COG5: variants seen among roughly 807,000 people sequenced by gnomAD.
COG5 encodes conserved oligomeric Golgi complex subunit 5.
In COG5, 86 loss-of-function variants were observed where a neutral mutation model predicts 110.4. That is an observed-to-expected ratio of 0.78 (90% CI 0.65 to 0.93). The LOEUF (loss-of-function observed/expected upper bound fraction) is 0.93, where lower values mean the gene tolerates loss of function less well. Among genes scored for constraint, COG5 ranks in the 40% least tolerant of loss-of-function variants. COG5 has a pLI of 0.00. For synonymous variants in COG5, 360 were observed against 334.6 expected, an observed-to-expected ratio of 1.08 and a Z score of -0.83; for missense variants, 1,077 against 987.0, an observed-to-expected ratio of 1.09 and a Z score of -1.22.
At chr7:107,319,326 C>G (rs1809041259) in intron 11 of COG5, among the ~76,000 whole-genome samples, 1 of 152,194 alleles carries the variant, frequency 6.6e-6, no homozygotes, top group Non-Finnish European at 1.5e-5. Flanking sequence ...GTTATGGTCT[C>G]ATTTTCCTGC....
intron 6 of COG5, among the ~76,000 whole-genome samples, chr7:107,424,877 TC>T (rs1410187001): frequency 1.2e-4 from 18 of 152,162 alleles, no homozygotes; most frequent in Non-Finnish European, 4.4e-5. Flanking sequence ...TCTGCTTCAC[TC>T]AGGTCCAAGC....
chr7:107,512,212 A>G (rs1362988941), intron 6 of COG5, among the ~76,000 whole-genome samples: 3 of 152,212 alleles, frequency 2.0e-5, no homozygotes, highest in Non-Finnish European at 4.4e-5. Flanking sequence ...AGGATACAAA[A>G]TCAATGTGCA....
chr7:107,279,269 A>G (rs944419648), intron 14 of COG5, among the ~76,000 whole-genome samples: 12 of 152,224 alleles, frequency 7.9e-5, no homozygotes, highest in African/African-American at 2.9e-4. Flanking sequence ...AATGGCGATC[A>G]TTAAAAAGTC....
In COG5 at chr7:107,516,762, G is replaced by A. The variant is rs375631204; in HGVS notation, c.538+10475C>T. ...CCCAGCAAACTGCAGCAGACCTGCAGAAGAGGGGTCCGTTGGAAGAAAAAC... is the reference window on the plus strand; with the variant it reads ...CCCAGCAAACTGCAGCAGACCTGCAAAAGAGGGGTCCGTTGGAAGAAAAAC... On this transcript the variant is annotated intron_variant, in intron 6 of 21. Transcript: ENST00000297135. Among the ~76,000 whole-genome samples, 9 of 152,282 alleles carry A rather than the reference G, an allele frequency of 5.9e-5. No homozygotes were observed. In the South Asian group the frequency reaches 1.9e-3, roughly 32 times the overall value.
At chr7:107,541,523 A>AAATATATATATATAT (rs60423657) in intron 5 of COG5, among the ~76,000 whole-genome samples, 4 of 57,024 alleles carry the variant, frequency 7.0e-5, no homozygotes, top group African/African-American at 2.7e-4. Context: ...AAAAAAAAAA[A>AAATATATATATATAT]ATATATATAT....
chr7:107,504,336 C>T (rs542799849), intron 6 of COG5, among the ~76,000 whole-genome samples: 45 of 152,192 alleles, frequency 3.0e-4, no homozygotes, highest in African/African-American at 1.0e-3. Context: ...CCCTGCATCC[C>T]TGAAATAAAA....
At chr7:107,504,763 C>T (rs973568951) in intron 6 of COG5, among the ~76,000 whole-genome samples, 2 of 152,114 alleles carry the variant, frequency 1.3e-5, no homozygotes, top group South Asian at 2.1e-4. Flanking sequence ...TCCATTTCCT[C>T]GAGGTTTTCT....
At chr7:107,372,572 C>A in intron 8 of COG5, 23 bp downstream of exon 8, 1 of 1,610,984 alleles carries the variant, frequency 6.2e-7, no homozygotes. Context: ...AATAAAGAAG[C>A]TAAATATAAA....
chr7:107,342,448 C>A (rs1315135153), intron 10 of COG5, among the ~76,000 whole-genome samples: 1 of 150,902 alleles, frequency 6.6e-6, no homozygotes, highest in Non-Finnish European at 1.5e-5. Context: ...GAGGCTGAGG[C>A]AGGCGGATCA....
intron 18 of COG5, among the ~76,000 whole-genome samples, chr7:107,232,321 T>C (rs563867178): frequency 4.6e-5 from 7 of 152,358 alleles, no homozygotes; most frequent in African/African-American, 1.7e-4. Context: ...TTTCTTTCCA[T>C]ATGTGTCACT....
intron 6 of COG5, among the ~76,000 whole-genome samples, chr7:107,456,862 A>G (rs955475464): frequency 8.5e-5 from 13 of 152,226 alleles, no homozygotes; most frequent in African/African-American, 3.1e-4. Context: ...ATATGGCTCT[A>G]TGAAGGAGTA....
chr7:107,278,015 GA>G (rs1396151034), intron 14 of COG5, among the ~76,000 whole-genome samples: 1 of 151,968 alleles, frequency 6.6e-6, no homozygotes, highest in East Asian at 1.9e-4. Flanking sequence ...CTCCTGATAT[GA>G]ATAAAATCTA....
intron 6 of COG5, among the ~76,000 whole-genome samples, chr7:107,414,703 CTTTTT>C (rs530323655): frequency 1.6e-4 from 10 of 61,714 alleles, no homozygotes; most frequent in Non-Finnish European, 3.4e-4. Flanking sequence ...CTCACTGTCC[CTTTTT>C]TTTTTTTTTT....
intron 6 of COG5, among the ~76,000 whole-genome samples, chr7:107,522,376 G>T (rs1800395419): frequency 6.6e-6 from 1 of 152,214 alleles, no homozygotes; most frequent in African/African-American, 2.4e-5. Context: ...GCTGAGGCAA[G>T]AGAGTCGCTT....
At chr7:107,409,095 T>C (rs1426817494) in intron 7 of COG5, among the ~76,000 whole-genome samples, 1 of 151,562 alleles carries the variant, frequency 6.6e-6, no homozygotes, top group Non-Finnish European at 1.5e-5. Context: ...TTTAAAGTTA[T>C]CAGCAAATGG....
chr7:107,209,731 A>G, intron 21 of COG5: 3 of 777,210 alleles, frequency 3.9e-6, no homozygotes, highest in Non-Finnish European at 4.7e-6. Context: ...CTTACTTCGT[A>G]TCCTCGGTTC....
chr7:107,248,315 C>A, intron 17 of COG5, 81 bp downstream of exon 17: 2 of 895,260 alleles, frequency 2.2e-6, no homozygotes, highest in Non-Finnish European at 3.8e-6. Context: ...GGCAGGGGGG[C>A]AGCTTAGGGA....
At chr7:107,300,026 A>T (rs2116927787) in intron 11 of COG5, among the ~76,000 whole-genome samples, 1 of 151,574 alleles carries the variant, frequency 6.6e-6, no homozygotes, top group East Asian at 1.9e-4. Context: ...TGGTCAGCTT[A>T]ATGTCTGAAA....
At chr7:107,381,246 G>C (rs10953536) in intron 7 of COG5, among the ~76,000 whole-genome samples, 1 of 152,032 alleles carries the variant, frequency 6.6e-6, no homozygotes, top group East Asian at 1.9e-4. Flanking sequence ...TTCAGTTTCA[G>C]AATTGTCTTT....
Sources: allele counts gnomAD v4.1 joint callset (sites outside exome capture counted in the v4.1 genomes callset), GRCh38; gene constraint gnomAD v4.1.1; transcripts MANE v1.5; gene names NCBI Gene and HGNC (gene_info 2026-07-23, HGNC 2026-07-21).